The following CHODL variants were observed in gnomAD, a reference collection of about 807,000 sequenced individuals.
CHODL encodes the protein chondrolectin, also known as transmembrane protein MT75.
A neutral mutation model predicts 34.5 loss-of-function variants in CHODL; 29 were observed. The ratio of observed to expected loss-of-function variants is 0.84; its 90% CI spans 0.63 to 1.15. CHODL has a LOEUF of 1.15. Ranked by LOEUF, CHODL falls within the 50% of genes most tolerant of loss-of-function variation. CHODL has a pLI of 0.00. For missense variants in CHODL, 332 were observed against 332.5 expected, an observed-to-expected ratio of 1.00 and a Z score of 0.01; for synonymous variants, 125 against 116.1, an observed-to-expected ratio of 1.08 and a Z score of -0.49.
intron 1 of CHODL, among the ~76,000 whole-genome samples, chr21:17,993,350 T>C (rs2063816235): frequency 6.6e-6 from 1 of 152,194 alleles, no homozygotes; most frequent in Non-Finnish European, 1.5e-5. Context: ...GTTATTTTTC[T>C]TGATCTTCTC....
At chr21:18,145,329 C>T (rs965671322) in intron 2 of CHODL, among the ~76,000 whole-genome samples, 3 of 140,546 alleles carry the variant, frequency 2.1e-5, no homozygotes, top group East Asian at 2.3e-4. Context: ...CCCAGCTACT[C>T]GGGAGGCTGA....
chr21:18,246,004 T>A, intron 1 of CHODL: 1 of 1,385,598 alleles, frequency 7.2e-7, no homozygotes, highest in Non-Finnish European at 9.9e-7. Flanking sequence ...AGTCAGTGCA[T>A]GGGAAATCGA....
intron 2 of CHODL, among the ~76,000 whole-genome samples, chr21:18,170,237 C>T (rs1349359619): frequency 6.6e-6 from 1 of 151,958 alleles, no homozygotes; most frequent in African/African-American, 2.4e-5. Context: ...AGTATACCCA[C>T]TGCTGTTCTC....
intron 1 of CHODL, among the ~76,000 whole-genome samples, chr21:17,917,558 C>T (rs2063149691): frequency 6.6e-6 from 1 of 151,574 alleles, no homozygotes; most frequent in African/African-American, 2.4e-5. Flanking sequence ...GGAGGGGACA[C>T]TTGGAAGAGA....
At chr21:18,033,533 A>G (rs1267735610) in intron 2 of CHODL, among the ~76,000 whole-genome samples, 3 of 152,080 alleles carry the variant, frequency 2.0e-5, no homozygotes, top group Admixed American at 6.6e-5. Context: ...ATGGTAAGAT[A>G]CCACTGGGTG....
intron 1 of CHODL, among the ~76,000 whole-genome samples, chr21:18,253,520 C>T (rs9808693): frequency 8.6e-5 from 13 of 151,958 alleles, no homozygotes; most frequent in East Asian, 1.9e-4. Context: ...AAATGGAAAC[C>T]GCATGCTTCT....
At position 18,057,699 on chromosome 21, in the gene CHODL, A is replaced by C. The variant is rs185030851; in HGVS notation, c.-45+29728A>C. 3.0e-4 allele frequency among the ~76,000 whole-genome samples: 45 copies of C among 152,092 alleles called. No homozygotes were observed. In the East Asian group the frequency reaches 8.5e-3, roughly 29 times the overall value. Reference sequence around the variant, plus strand: ...ATTTAAGCTTCCTCCATTAAAAAAAATCTTATATAACCCTGAAAGTCTGCC... The same window carrying C: ...ATTTAAGCTTCCTCCATTAAAAAAACTCTTATATAACCCTGAAAGTCTGCC... On this transcript the variant is annotated intron_variant, in intron 2 of 6. Transcript: ENST00000400127.
At chr21:18,158,854 A>AAAAAAAT (rs1423037630) in intron 2 of CHODL, among the ~76,000 whole-genome samples, 1 of 150,898 alleles carries the variant, frequency 6.6e-6, no homozygotes, top group Non-Finnish European at 1.5e-5. Context: ...AAAAAAAAAA[A>AAAAAAAT]AGAAGAAGAA....
At chr21:18,261,954 T>C (rs2074387556) in intron 4 of CHODL, among the ~76,000 whole-genome samples, 1 of 152,022 alleles carries the variant, frequency 6.6e-6, no homozygotes, top group African/African-American at 2.4e-5. Context: ...GTGACTTGTA[T>C]GGAATCGTGA....
At position 17,959,919 on chromosome 21, in the gene CHODL, A is replaced by G. The variant is rs535760636; in HGVS notation, c.-145+42519A>G. Among the ~76,000 whole-genome samples, 8 of 152,328 alleles carry G rather than the reference A, an allele frequency of 5.3e-5. No homozygotes were observed. In the East Asian group the frequency reaches 1.5e-3, roughly 29 times the overall value. Reference sequence around the variant, plus strand: ...ATGTAATTACTGCCCTTTAGAAGATATTAGTTGCTGTGCTATGAAATATTA... The same window carrying G: ...ATGTAATTACTGCCCTTTAGAAGATGTTAGTTGCTGTGCTATGAAATATTA... On this transcript the variant is annotated intron_variant, in intron 1 of 6. Transcript: ENST00000400127.
chr21:18,171,198 G>GTTCTTTTTTTTTT (rs1333481522), intron 2 of CHODL, among the ~76,000 whole-genome samples: 2,841 of 37,056 alleles, frequency 0.077, 1,318 homozygotes, highest in Middle Eastern at 0.11. Context: ...GTTTTCTTTA[G>GTTCTTTTTTTTTT]TTTTTTTTTT....
chr21:18,008,810 T>C (rs558298273), intron 1 of CHODL, among the ~76,000 whole-genome samples: 39 of 152,242 alleles, frequency 2.6e-4, no homozygotes, highest in Non-Finnish European at 4.6e-4. Context: ...TGTTACTCCG[T>C]TGGCATATTG....
At chr21:18,167,685 T>C (rs1220280513) in intron 2 of CHODL, among the ~76,000 whole-genome samples, 1 of 152,238 alleles carries the variant, frequency 6.6e-6, no homozygotes, top group Non-Finnish European at 1.5e-5. Context: ...TCTTTGTATC[T>C]GTTTATTTTT....
chr21:18,180,853 A>G (rs1453434412), intron 2 of CHODL, among the ~76,000 whole-genome samples: 3 of 152,236 alleles, frequency 2.0e-5, no homozygotes, highest in African/African-American at 7.2e-5. Context: ...AATTGGGGCA[A>G]TTAATCAAAA....
intron 2 of CHODL, among the ~76,000 whole-genome samples, chr21:18,182,865 C>T (rs1052069898): frequency 2.0e-5 from 3 of 152,268 alleles, no homozygotes; most frequent in Non-Finnish European, 4.4e-5. Flanking sequence ...ATTCTGGGTG[C>T]TGCTGCCTGC....
chr21:17,960,870 T>TC (rs1371489058), intron 1 of CHODL, among the ~76,000 whole-genome samples: 1 of 152,176 alleles, frequency 6.6e-6, no homozygotes, highest in Non-Finnish European at 1.5e-5. Flanking sequence ...CAATTAGTCT[T>TC]CAAAAAATAA....
At chr21:18,042,590 T>C (rs1397073770) in intron 2 of CHODL, among the ~76,000 whole-genome samples, 1 of 151,978 alleles carries the variant, frequency 6.6e-6, no homozygotes, top group Non-Finnish European at 1.5e-5. Flanking sequence ...CTCTAAACCA[T>C]AGCTTAGTGA....
At chr21:18,082,289 C>T (rs2064952093) in intron 2 of CHODL, among the ~76,000 whole-genome samples, 1 of 152,158 alleles carries the variant, frequency 6.6e-6, no homozygotes, top group Admixed American at 6.5e-5. Context: ...TGAGGCTTCC[C>T]AGTCATGCTT....
At chr21:17,966,475 C>T (rs1349698174) in intron 1 of CHODL, among the ~76,000 whole-genome samples, 1 of 152,106 alleles carries the variant, frequency 6.6e-6, no homozygotes, top group Non-Finnish European at 1.5e-5. Flanking sequence ...TTTCAATTGG[C>T]CCACCTAGAT....
Sources: gnomAD v4.1 joint callset for allele counts (sites outside exome capture counted in the v4.1 genomes callset) on GRCh38, gnomAD v4.1.1 for gene constraint, MANE v1.5 for transcripts, NCBI Gene and HGNC (gene_info 2026-07-23, HGNC 2026-07-21) for gene names.